The following XKR6 variants were observed in gnomAD, a reference collection of about 807,000 sequenced individuals.
The protein encoded by XKR6 is XK-related protein 6.
Under a neutral mutation model 56.7 loss-of-function variants are expected in XKR6, and 22 were observed. The ratio of observed to expected loss-of-function variants is 0.39; its 90% CI spans 0.28 to 0.55. The LOEUF (loss-of-function observed/expected upper bound fraction) is 0.55, where lower values mean the gene tolerates loss of function less well. Among genes scored for constraint, XKR6 ranks in the 20% least tolerant of loss-of-function variants. The probability of loss-of-function intolerance (pLI) is 0.66; values close to 1 mark genes in which losing one functional copy is unlikely to be tolerated. For synonymous variants in XKR6, 524 were observed against 387.8 expected, an observed-to-expected ratio of 1.35 and a Z score of -4.13; for missense variants, 852 against 889.0, an observed-to-expected ratio of 0.96 and a Z score of 0.53.
At chr8:11,135,407 T>A (rs945442581) in intron 1 of XKR6, among the ~76,000 whole-genome samples, 1 of 152,186 alleles carries the variant, frequency 6.6e-6, no homozygotes, top group Admixed American at 6.5e-5. Flanking sequence ...CCAGGATAGA[T>A]AGAATAAAGT....
chr8:10,905,818 T>A (rs1048694870), intron 2 of XKR6, among the ~76,000 whole-genome samples: 1 of 152,118 alleles, frequency 6.6e-6, no homozygotes, highest in Non-Finnish European at 1.5e-5. Context: ...TCCCACATTT[T>A]AAAAAAGTCC....
At chr8:11,063,011 C>T (rs1203609816) in intron 1 of XKR6, 2 of 358,594 alleles carry the variant, frequency 5.6e-6, no homozygotes, top group African/African-American at 4.3e-5. Context: ...TGAATCCTCA[C>T]ATGGAATGCC....
intron 1 of XKR6, among the ~76,000 whole-genome samples, chr8:11,189,607 A>C (rs1803444974): frequency 2.0e-5 from 3 of 152,200 alleles, no homozygotes; most frequent in Non-Finnish European, 4.4e-5. Context: ...CCAAAAACAA[A>C]AAACAAATTC....
chr8:11,049,508 T>C (rs1799492165), intron 1 of XKR6, among the ~76,000 whole-genome samples: 2 of 152,134 alleles, frequency 1.3e-5, no homozygotes, highest in African/African-American at 2.4e-5. Context: ...CGTGAAGACC[T>C]ACCAAGAGCT....
At chr8:11,148,899 C>T (rs1801127327) in intron 1 of XKR6, among the ~76,000 whole-genome samples, 1 of 152,168 alleles carries the variant, frequency 6.6e-6, no homozygotes, top group Admixed American at 6.5e-5. Flanking sequence ...AATAATTATG[C>T]TGAGTAAGCG....
rs781579687 is a variant in XKR6 at position 10,897,987 on chromosome 8, G to A, written c.1891C>T (p.Leu631Phe). 3.7e-6 allele frequency: 6 copies of A among 1,606,312 alleles called. No homozygotes were observed. In the Admixed American group the frequency reaches 6.8e-5, roughly 18 times the overall value. The change falls in exon 3 of 3, where the codon CTC (leucine) becomes TTC (phenylalanine). Residue 631 changes from leucine (L) to phenylalanine (F), a missense_variant. Leu to Phe is a conservative substitution (Grantham distance 22). Transcript: ENST00000416569. Reference sequence around the variant, plus strand: ...GACTCATACTGTAGCAACTCATAGAGGAGTGGTCCGTCTCGATATCGAATG... The same window carrying A: ...GACTCATACTGTAGCAACTCATAGAAGAGTGGTCCGTCTCGATATCGAATG... ...VGIRYRDGPL[L>F]YELLQYESSL
intron 1 of XKR6, among the ~76,000 whole-genome samples, chr8:10,953,420 T>C (rs1466975754): frequency 2.0e-5 from 3 of 152,196 alleles, no homozygotes; most frequent in African/African-American, 7.2e-5. Context: ...TGTAAGCTTC[T>C]GAGGCCTCCC....
chr8:10,974,328 A>G (rs1802491573), intron 1 of XKR6, among the ~76,000 whole-genome samples: 1 of 152,200 alleles, frequency 6.6e-6, no homozygotes, highest in Admixed American at 6.5e-5. Flanking sequence ...ACAGGTGAAG[A>G]GCACCTTGGC....
chr8:11,133,681 A>T (rs75830262), intron 1 of XKR6, among the ~76,000 whole-genome samples: 3,664 of 152,248 alleles, frequency 0.024, 177 homozygotes, highest in African/African-American at 0.085. Flanking sequence ...CTCCTTTGGA[A>T]ATAGGCAGGT....
chr8:11,047,464 AT>A (rs767093206), intron 1 of XKR6, among the ~76,000 whole-genome samples: 25 of 152,360 alleles, frequency 1.6e-4, no homozygotes, highest in Non-Finnish European at 3.2e-4. Flanking sequence ...TAATGCAAAT[AT>A]AAACTACATT....
chr8:11,092,550 T>C (rs1215969486), intron 1 of XKR6, among the ~76,000 whole-genome samples: 2 of 151,988 alleles, frequency 1.3e-5, no homozygotes, highest in East Asian at 3.8e-4. Flanking sequence ...GGACAGGGGG[T>C]ATCCCGGGTG....
intron 1 of XKR6, among the ~76,000 whole-genome samples, chr8:10,938,363 G>T (rs977863025): frequency 2.6e-5 from 4 of 152,218 alleles, no homozygotes; most frequent in African/African-American, 9.6e-5. Context: ...CCCGTCTTCT[G>T]CATCGCTCAC....
intron 1 of XKR6, among the ~76,000 whole-genome samples, chr8:11,052,426 T>C (rs4841485): frequency 0.39 from 59,281 of 152,128 alleles, 13,576 homozygotes; most frequent in East Asian, 0.83. Context: ...AACTCGAAGA[T>C]AGGAAATTTG....
At chr8:11,056,327 C>A (rs952948338) in intron 1 of XKR6, among the ~76,000 whole-genome samples, 1 of 152,244 alleles carries the variant, frequency 6.6e-6, no homozygotes, top group African/African-American at 2.4e-5. Flanking sequence ...AAGTGCCTTC[C>A]TTTCCCATCT....
intron 1 of XKR6, among the ~76,000 whole-genome samples, chr8:10,958,254 G>C (rs1234961958): frequency 6.6e-6 from 1 of 152,240 alleles, no homozygotes; most frequent in Admixed American, 6.5e-5. Flanking sequence ...CAGAAGGAAC[G>C]TTCTCTGTGT....
chr8:10,989,069 G>C (rs75014107), intron 1 of XKR6, among the ~76,000 whole-genome samples: 3,563 of 152,298 alleles, frequency 0.023, 100 homozygotes, highest in African/African-American at 0.066. Flanking sequence ...ATGACCACCT[G>C]GGTTAGGGGC....
At chr8:11,121,545 G>C (rs1303412433) in intron 1 of XKR6, among the ~76,000 whole-genome samples, 1 of 152,206 alleles carries the variant, frequency 6.6e-6, no homozygotes, top group African/African-American at 2.4e-5. Context: ...ACAGGTGCTG[G>C]AGAGGATGTG....
At position 11,192,728 on chromosome 8, in the gene XKR6, T is replaced by C. The variant is rs1325254558; in HGVS notation, c.764+7848A>G. Among the ~76,000 whole-genome samples the C allele has an allele frequency of 2.0e-5, 3 of 152,164 alleles. No individual in the cohort carries two copies. In the East Asian group the frequency reaches 5.8e-4, roughly 29 times the overall value. ...ATAAAAATTGAGCAAAAATACACAC[T>C]CCCTGGCCCAACTCCCTGAGGCTCT... On this transcript the variant is annotated intron_variant, in intron 1 of 2. Transcript: ENST00000416569.
chr8:10,977,058 C>G (rs1200729416), intron 1 of XKR6, among the ~76,000 whole-genome samples: 1 of 152,118 alleles, frequency 6.6e-6, no homozygotes, highest in Non-Finnish European at 1.5e-5. Flanking sequence ...CCAAAAAAGG[C>G]CAGGTGACAT....
Sources: gnomAD v4.1 joint callset for allele counts (sites outside exome capture counted in the v4.1 genomes callset) on GRCh38, gnomAD v4.1.1 for gene constraint, MANE v1.5 for transcripts, NCBI Gene and HGNC (gene_info 2026-07-23, HGNC 2026-07-21) for gene names.